The following CSMD3 variants were observed in gnomAD, a reference collection of about 807,000 sequenced individuals.
CSMD3 encodes CUB and Sushi multiple domains 3.
A neutral mutation model predicts 435.2 loss-of-function variants in CSMD3; 177 were observed. The observed-to-expected ratio is 0.41, with a 90% confidence interval of 0.36 to 0.46. The LOEUF (loss-of-function observed/expected upper bound fraction) is 0.46, where lower values mean the gene tolerates loss of function less well. Among genes scored for constraint, CSMD3 ranks in the 20% least tolerant of loss-of-function variants. CSMD3 has a pLI of 0.34. For synonymous variants in CSMD3, 1,656 were observed against 1,520.5 expected (o/e 1.09, Z -2.07); for missense variants, 4,265 against 4,504.6 (o/e 0.95, Z 1.52).
chr8:112,707,850 G>A (rs1039044612), intron 13 of CSMD3, among the ~76,000 whole-genome samples: 6 of 152,036 alleles, frequency 3.9e-5, no homozygotes, highest in African/African-American at 2.4e-5. Flanking sequence ...ATATTAAGTT[G>A]TATTTGGGAT....
At chr8:112,880,423 T>C (rs2081414299) in intron 10 of CSMD3, among the ~76,000 whole-genome samples, 1 of 152,064 alleles carries the variant, frequency 6.6e-6, no homozygotes, top group Non-Finnish European at 1.5e-5. Context: ...TCAGGAGTTA[T>C]GGAACCATAA....
At chr8:112,870,103 A>G (rs1270434553) in intron 10 of CSMD3, among the ~76,000 whole-genome samples, 1 of 152,170 alleles carries the variant, frequency 6.6e-6, no homozygotes, top group Non-Finnish European at 1.5e-5. Context: ...TTATTTATTT[A>G]TAAACCTTTA....
chr8:112,754,267 C>G (rs2077640296), intron 13 of CSMD3, among the ~76,000 whole-genome samples: 1 of 152,152 alleles, frequency 6.6e-6, no homozygotes, highest in Non-Finnish European at 1.5e-5. Flanking sequence ...GTCTCCCTCT[C>G]TCATGGTGAA....
At chr8:113,094,295 T>C (rs1564307732) in intron 5 of CSMD3, among the ~76,000 whole-genome samples, 1 of 152,186 alleles carries the variant, frequency 6.6e-6, no homozygotes, top group Non-Finnish European at 1.5e-5. Flanking sequence ...GCCTCTGGCA[T>C]AGAGCAGCCC....
At chr8:112,560,798 G>A (rs1421232997) in intron 24 of CSMD3, among the ~76,000 whole-genome samples, 2 of 151,546 alleles carry the variant, frequency 1.3e-5, no homozygotes, top group Admixed American at 6.6e-5. Flanking sequence ...ACATTTAAAC[G>A]TCTTTGCTCA....
At chr8:112,530,064 T>C (rs780932748) in intron 27 of CSMD3, among the ~76,000 whole-genome samples, 6 of 151,662 alleles carry the variant, frequency 4.0e-5, no homozygotes, top group Non-Finnish European at 5.9e-5. Flanking sequence ...ATCAAGCTAA[T>C]AAAAGGACCA....
At chr8:112,512,987 T>C (rs773660188) in intron 28 of CSMD3, among the ~76,000 whole-genome samples, 1 of 152,172 alleles carries the variant, frequency 6.6e-6, no homozygotes, top group South Asian at 2.1e-4. Context: ...TTCTGCAGCT[T>C]TTTCACCCAT....
Position 112,586,278 on chromosome 8 carries a change from G to A in CSMD3, c.3885+788C>T, listed in dbSNP as rs560163327. Among the ~76,000 whole-genome samples the A allele has an allele frequency of 2.0e-5, 3 of 151,160 alleles. No individual in the cohort carries two copies. The South Asian group carries it at 6.2e-4, about 31-fold the overall frequency. ...AGAAGTATAATGAATTTTTCACCTG[G>A]CTTTAGAAAAACTTAACAATTAGAA... On this transcript the variant is annotated intron_variant, in intron 23 of 70. Transcript: ENST00000297405.
chr8:112,483,224 C>G (rs1169568357), intron 31 of CSMD3, among the ~76,000 whole-genome samples: 2 of 152,136 alleles, frequency 1.3e-5, no homozygotes, highest in African/African-American at 4.8e-5. Context: ...GGCGCGGTGG[C>G]TCACGCACAT....
At chr8:112,840,238 A>G (rs934629784) in intron 11 of CSMD3, among the ~76,000 whole-genome samples, 9 of 151,880 alleles carry the variant, frequency 5.9e-5, no homozygotes, top group African/African-American at 1.7e-4. Flanking sequence ...CTTTGTGAAA[A>G]AGGTCACCGG....
chr8:113,423,082 TTA>T (rs558414894), intron 1 of CSMD3, among the ~76,000 whole-genome samples: 139 of 152,144 alleles, frequency 9.1e-4, no homozygotes, highest in African/African-American at 3.1e-3. Context: ...GAATGTAATT[TTA>T]TATATGTTTT....
At chr8:112,440,190 T>C (rs934365087) in intron 32 of CSMD3, among the ~76,000 whole-genome samples, 2 of 152,134 alleles carry the variant, frequency 1.3e-5, no homozygotes, top group African/African-American at 4.8e-5. Flanking sequence ...CAGTTCCAAA[T>C]GGGAGAAATT....
intron 3 of CSMD3, among the ~76,000 whole-genome samples, chr8:113,203,189 G>T (rs1390145038): frequency 6.6e-6 from 1 of 152,060 alleles, no homozygotes; most frequent in Non-Finnish European, 1.5e-5. Context: ...GACCTGACCT[G>T]ATCACTATGA....
intron 4 of CSMD3, among the ~76,000 whole-genome samples, chr8:113,101,340 A>G (rs1258348904): frequency 1.3e-5 from 2 of 152,062 alleles, no homozygotes; most frequent in African/African-American, 4.8e-5. Context: ...TCCCTCACAA[A>G]AATCCTGCAT....
At chr8:113,056,728 C>G (rs767679595) in intron 5 of CSMD3, among the ~76,000 whole-genome samples, 141 of 152,212 alleles carry the variant, frequency 9.3e-4, no homozygotes, top group Middle Eastern at 3.4e-3. Flanking sequence ...ACGGAAAGTC[C>G]CCATGGTCTC....
intron 32 of CSMD3, among the ~76,000 whole-genome samples, chr8:112,439,601 C>A (rs969068126): frequency 2.6e-5 from 4 of 152,048 alleles, no homozygotes; most frequent in African/African-American, 9.7e-5. Flanking sequence ...CTGCCTGACA[C>A]TACGTAATTT....
chr8:112,295,067 C>T (rs892994435), intron 54 of CSMD3, among the ~76,000 whole-genome samples: 6 of 152,040 alleles, frequency 3.9e-5, no homozygotes, highest in Admixed American at 2.0e-4. Context: ...ACTCTTTCTC[C>T]CTAGTCCCCA....
intron 12 of CSMD3, among the ~76,000 whole-genome samples, chr8:112,802,899 C>T (rs1221507395): frequency 6.6e-6 from 1 of 151,840 alleles, no homozygotes; most frequent in Non-Finnish European, 1.5e-5. Context: ...GTAATCTGGA[C>T]TCAAATCCCA....
intron 3 of CSMD3, among the ~76,000 whole-genome samples, chr8:113,247,699 G>A (rs2093290006): frequency 6.6e-6 from 1 of 152,118 alleles, no homozygotes; most frequent in Admixed American, 6.6e-5. Flanking sequence ...TTACTACATA[G>A]AATTAATTGT....
Sources: gnomAD v4.1 joint callset for allele counts (sites outside exome capture counted in the v4.1 genomes callset) on GRCh38, gnomAD v4.1.1 for gene constraint, MANE v1.5 for transcripts, NCBI Gene and HGNC (gene_info 2026-07-23, HGNC 2026-07-21) for gene names.